ADGRL3: variants seen among roughly 807,000 people sequenced by gnomAD.
ADGRL3 encodes the protein adhesion G protein-coupled receptor L3.
A neutral mutation model predicts 153.5 loss-of-function variants in ADGRL3; 62 were observed. That is an observed-to-expected ratio of 0.40 (90% CI 0.33 to 0.50). The LOEUF (loss-of-function observed/expected upper bound fraction) is 0.50, where lower values mean the gene tolerates loss of function less well. ADGRL3 is among the 20% of genes least tolerant of loss of function. The pLI, the probability that ADGRL3 is intolerant of heterozygous loss-of-function variation, is 0.47. For missense variants in ADGRL3, 1,641 were observed against 1,859.4 expected (o/e 0.88, Z 2.16); for synonymous variants, 710 against 672.5 (o/e 1.06, Z -0.86).
chr4:61,534,575 G>A lies in ADGRL3; in HGVS notation c.259+17057G>A, dbSNP rs546382919. On this transcript the variant is annotated intron_variant, in intron 4 of 26. Coordinates refer to ENST00000683033, the MANE Select transcript of ADGRL3 (RefSeq NM_001387552.1). ...TTGACTCTTCCTATGCATGAGCATG[G>A]CACTTTTTCTATTGGTTTATGTAAT... Among the ~76,000 whole-genome samples the A allele has an allele frequency of 1.6e-4, 24 of 152,138 alleles. No individual in the cohort carries two copies. In the South Asian group the frequency reaches 4.4e-3, roughly 28 times the overall value.
At chr4:61,973,899 A>T (rs2099038440) in intron 17 of ADGRL3, among the ~76,000 whole-genome samples, 1 of 152,134 alleles carries the variant, frequency 6.6e-6, no homozygotes, top group African/African-American at 2.4e-5. Flanking sequence ...ACGGTAATCA[A>T]GATGCAATTC....
intron 3 of ADGRL3, among the ~76,000 whole-genome samples, chr4:61,501,154 C>G (rs929546937): frequency 6.6e-6 from 1 of 152,122 alleles, no homozygotes; most frequent in African/African-American, 2.4e-5. Context: ...TATCTGTCAA[C>G]TGGTTAATAA....
chr4:61,717,881 A>G (rs986871647), intron 6 of ADGRL3, among the ~76,000 whole-genome samples: 1 of 151,978 alleles, frequency 6.6e-6, no homozygotes, highest in Non-Finnish European at 1.5e-5. Context: ...TAAAAGTGCA[A>G]AAATTAGCCA....
At chr4:61,978,777 A>G (rs2099057039) in intron 17 of ADGRL3, among the ~76,000 whole-genome samples, 1 of 152,162 alleles carries the variant, frequency 6.6e-6, no homozygotes. Flanking sequence ...CAGTTCGTGA[A>G]CTTTTTCTTG....
intron 8 of ADGRL3, among the ~76,000 whole-genome samples, chr4:61,768,870 C>G (rs1323256696): frequency 2.0e-5 from 3 of 150,876 alleles, no homozygotes; most frequent in African/African-American, 4.9e-5. Context: ...GATTGGGGCA[C>G]AGAGATAAGA....
intron 1 of ADGRL3, among the ~76,000 whole-genome samples, chr4:61,285,210 C>A (rs2150054418): frequency 6.6e-6 from 1 of 151,792 alleles, no homozygotes; most frequent in East Asian, 1.9e-4. Context: ...AAGTTTTTAC[C>A]ACTTGGACAA....
intron 8 of ADGRL3, among the ~76,000 whole-genome samples, chr4:61,804,289 T>A (rs896611998): frequency 6.6e-6 from 1 of 152,150 alleles, no homozygotes; most frequent in African/African-American, 2.4e-5. Flanking sequence ...CATATATTGA[T>A]CTCAATCAGC....
intron 11 of ADGRL3, among the ~76,000 whole-genome samples, chr4:61,909,152 A>G (rs1436714872): frequency 6.6e-6 from 1 of 152,200 alleles, no homozygotes; most frequent in Non-Finnish European, 1.5e-5. Context: ...CTGTGAACTA[A>G]GTGCTAAACC....
intron 2 of ADGRL3, among the ~76,000 whole-genome samples, chr4:61,434,424 T>A (rs993920451): frequency 6.6e-6 from 1 of 151,704 alleles, no homozygotes. Context: ...TGTATACATA[T>A]GTTATGTATA....
At chr4:61,860,204 C>G (rs1231459524) in intron 9 of ADGRL3, among the ~76,000 whole-genome samples, 1 of 152,048 alleles carries the variant, frequency 6.6e-6, no homozygotes, top group African/African-American at 2.4e-5. Context: ...TTAAGAAACA[C>G]AGTTGTGTTC....
At chr4:61,844,575 A>AATAT (rs57750929) in intron 9 of ADGRL3, among the ~76,000 whole-genome samples, 528 of 18,102 alleles carry the variant, frequency 0.029, 23 homozygotes, top group East Asian at 0.12. Context: ...AAAAAAAAAA[A>AATAT]ATATATATAT....
chr4:62,050,416 A>G (rs1733469753), intron 25 of ADGRL3, among the ~76,000 whole-genome samples: 1 of 152,004 alleles, frequency 6.6e-6, no homozygotes, highest in Admixed American at 6.6e-5. Context: ...CTTCTAAATA[A>G]CCAGTTATGT....
intron 2 of ADGRL3, among the ~76,000 whole-genome samples, chr4:61,407,750 T>A (rs1178017215): frequency 3.9e-5 from 6 of 152,154 alleles, no homozygotes; most frequent in African/African-American, 1.4e-4. Context: ...CCATTAATTT[T>A]ACAAACACAT....
In ADGRL3 at chr4:61,732,885, C is replaced by G; in HGVS notation, c.730C>G (p.Pro244Ala). The change falls in exon 8 of 27, where the codon CCC becomes GCC. Residue 244 changes from proline (P) to alanine (A), a missense_variant. This residue lies in a region of ADGRL3 where 213 missense variants were observed against 362.1 expected (regional missense o/e 0.59). Transcript: ENST00000683033. The part of the protein sequence containing the change: ...SDKIYYMPWT[P>A]YRTDTLTEYS... ...CAAGATTTATTATATGCCCTGGACT[C>G]CCTACAGAACTGATACCCTGACTGA... is the stretch of plus-strand genomic sequence containing the variant. The G allele has an allele frequency of 6.2e-7, 1 of 1,613,652 alleles. No homozygotes were observed. Among genetic ancestry groups the G allele is most frequent in the East Asian group, 2.2e-5 (1 of 44,860 alleles).
chr4:61,248,484 A>G (rs937363696), intron 1 of ADGRL3, among the ~76,000 whole-genome samples: 18 of 152,174 alleles, frequency 1.2e-4, no homozygotes, highest in African/African-American at 4.3e-4. Flanking sequence ...TCAGCTAAAC[A>G]GCAAATACTA....
intron 1 of ADGRL3, among the ~76,000 whole-genome samples, chr4:61,291,382 A>G (rs953202429): frequency 6.6e-6 from 1 of 151,892 alleles, no homozygotes; most frequent in African/African-American, 2.4e-5. Flanking sequence ...AGCATTTACA[A>G]TGTATTAGGT....
chr4:61,692,406 G>A (rs2095555647), intron 6 of ADGRL3, among the ~76,000 whole-genome samples: 1 of 150,528 alleles, frequency 6.6e-6, no homozygotes, highest in African/African-American at 2.4e-5. Flanking sequence ...CTTCTAATTG[G>A]TCACTAGTCA....
chr4:61,748,354 A>C lies in ADGRL3; in HGVS notation c.1399+14800A>C, dbSNP rs181202957. On this transcript the variant is annotated intron_variant, in intron 8 of 26. Coordinates refer to ENST00000683033, the MANE Select transcript of ADGRL3 (RefSeq NM_001387552.1). Reference sequence around the variant, plus strand: ...GACTTTCTCCACAGAACTGGAAAAAAACTACTTTAAAGTTCATATGGAACC... The same window carrying C: ...GACTTTCTCCACAGAACTGGAAAAACACTACTTTAAAGTTCATATGGAACC... 3.4e-3 allele frequency among the ~76,000 whole-genome samples: 513 copies of C among 152,202 alleles called. 12 individuals are homozygous for C. The East Asian group carries it at 0.05, about 15-fold the overall frequency.
chr4:61,300,040 T>A lies in ADGRL3; in HGVS notation c.-239-83084T>A, dbSNP rs1239462920. On this transcript the variant is annotated intron_variant, in intron 1 of 26. Coordinates refer to ENST00000683033, the MANE Select transcript of ADGRL3 (RefSeq NM_001387552.1). Reference sequence around the variant, plus strand: ...TTTATAGGTTTAAGAATATACCCAATTTACACTTGTTAATAATAAATAATT... The same window carrying A: ...TTTATAGGTTTAAGAATATACCCAAATTACACTTGTTAATAATAAATAATT... 4.6e-5 allele frequency among the ~76,000 whole-genome samples: 7 copies of A among 152,308 alleles called. No individual in the cohort carries two copies. In the South Asian group the frequency reaches 1.5e-3, roughly 32 times the overall value.
Sources: allele counts gnomAD v4.1 joint callset (sites outside exome capture counted in the v4.1 genomes callset), GRCh38; gene constraint gnomAD v4.1.1; regional missense constraint gnomAD v4.1.1; transcripts MANE v1.5; gene names NCBI Gene and HGNC (gene_info 2026-07-23, HGNC 2026-07-21).